Variants in ARHGEF10L observed in about 807,000 individuals in gnomAD.
The protein encoded by ARHGEF10L is Rho guanine nucleotide exchange factor 10 like.
In ARHGEF10L, 69 loss-of-function variants were observed where a neutral mutation model predicts 141.2. The ratio of observed to expected loss-of-function variants is 0.49; its 90% CI spans 0.40 to 0.60. The LOEUF is 0.60. Among genes scored for constraint, ARHGEF10L ranks in the 20% least tolerant of loss-of-function variants. ARHGEF10L has a pLI of 0.00. For synonymous variants in ARHGEF10L, 711 were observed against 718.5 expected (o/e 0.99, Z 0.17); for missense variants, 1,482 against 1,734.3 (o/e 0.85, Z 2.58).
At chr1:17,601,059 A>AC (rs2080618054) in intron 4 of ARHGEF10L, among the ~76,000 whole-genome samples, 1 of 149,030 alleles carries the variant, frequency 6.7e-6, no homozygotes, top group Non-Finnish European at 1.5e-5. Context: ...CAAAAAAAAA[A>AC]AAAAAAAAAC....
At position 17,654,994 on chromosome 1, in the gene ARHGEF10L, CT is replaced by C. The variant is rs2062140932; in HGVS notation, c.2481+273del. ...GCTGAGAAGGAAGTGAAAGGGGGAGCTGTGCAGAGGACCTGGGTCTCAGGAT... is the reference window on the plus strand; with the variant it reads ...GCTGAGAAGGAAGTGAAAGGGGGAGCGTGCAGAGGACCTGGGTCTCAGGAT... On this transcript the variant is annotated intron_variant, in intron 23 of 28. Coordinates refer to ENST00000361221, the MANE Select transcript of ARHGEF10L (RefSeq NM_018125.4). The surrounding 1 kb of genome is among the most constrained non-coding windows in gnomAD (Gnocchi z 4.3). Among the ~76,000 whole-genome samples, 1 of 152,308 alleles carries C rather than the reference CT, an allele frequency of 6.6e-6. No homozygotes were observed. Among genetic ancestry groups the C allele is most frequent in the African/African-American group, 2.4e-5 (1 of 41,566 alleles).
At chr1:17,540,704 T>C (rs751597165) in intron 1 of ARHGEF10L, among the ~76,000 whole-genome samples, 3 of 152,152 alleles carry the variant, frequency 2.0e-5, no homozygotes, top group African/African-American at 4.8e-5. Flanking sequence ...CAGGAGGCCC[T>C]GCGTTGCATC....
At chr1:17,531,257 T>A in the ARHGEF10L span, among the ~76,000 whole-genome samples, 1 of 152,210 alleles carries the variant, frequency 6.6e-6, no homozygotes, top group Admixed American at 6.5e-5. Context: ...GGGAAGGGGC[T>A]CCGGGCCTCT....
intron 18 of ARHGEF10L, 71 bp from the exon 19 acceptor site, chr1:17,637,817 T>C (rs2061098244): frequency 2.9e-6 from 4 of 1,400,028 alleles, no homozygotes; most frequent in East Asian, 5.0e-5. Context: ...GGATCTTTTT[T>C]GTTGTGAGCA....
intron 1 of ARHGEF10L, among the ~76,000 whole-genome samples, chr1:17,551,519 T>TAG (rs2077111228): frequency 6.6e-6 from 1 of 152,114 alleles, no homozygotes; most frequent in Non-Finnish European, 1.5e-5. Flanking sequence ...TCCATTGTAC[T>TAG]AGGGGCTTGT....
chr1:17,676,475 A>T (rs866616644), intron 26 of ARHGEF10L, among the ~76,000 whole-genome samples: 1 of 151,828 alleles, frequency 6.6e-6, no homozygotes, highest in African/African-American at 2.4e-5. Context: ...GGGCCAGGTG[A>T]GTTGTCTGGA....
At chr1:17,690,893 A>T (rs1319719721) in intron 27 of ARHGEF10L, among the ~76,000 whole-genome samples, 1 of 152,208 alleles carries the variant, frequency 6.6e-6, no homozygotes, top group East Asian at 1.9e-4. Context: ...TAAGTTCTTT[A>T]TTAGAGATAT....
intron 17 of ARHGEF10L, 114 bp from the exon 18 acceptor site, chr1:17,634,721 C>T (rs917517195): frequency 4.6e-5 from 67 of 1,455,218 alleles, no homozygotes; most frequent in Non-Finnish European, 5.7e-5. Context: ...TGAGGTCTTG[C>T]GCTGGGGCTG....
chr1:17,687,185 A>G lies in ARHGEF10L; in HGVS notation c.3010-388A>G, dbSNP rs184155316. Among the ~76,000 whole-genome samples the G allele has an allele frequency of 3.3e-5, 5 of 152,240 alleles. No individual in the cohort carries two copies. In the East Asian group the frequency reaches 9.7e-4, roughly 29 times the overall value. On this transcript the variant is annotated intron_variant, in intron 26 of 28. Transcript: ENST00000361221. ...TTTCGGCTCCATCTTTCCCTTCCGT[A>G]AGGTAAAGCTCTGAGGGGCCACTGG...
intron 4 of ARHGEF10L, among the ~76,000 whole-genome samples, chr1:17,594,552 A>C (rs571527202): frequency 6.6e-6 from 1 of 151,918 alleles, no homozygotes; most frequent in South Asian, 2.1e-4. Flanking sequence ...ATCTTGGCTC[A>C]CTCCAACCTC....
intron 21 of ARHGEF10L, among the ~76,000 whole-genome samples, chr1:17,646,299 C>T (rs2061596327): frequency 1.3e-5 from 2 of 152,232 alleles, no homozygotes; most frequent in Non-Finnish European, 2.9e-5. Context: ...CTTCCTCACT[C>T]ATGTCCAGCC....
At chr1:17,549,654 A>G (rs2077041859) in intron 1 of ARHGEF10L, among the ~76,000 whole-genome samples, 3 of 152,148 alleles carry the variant, frequency 2.0e-5, no homozygotes, top group African/African-American at 7.2e-5. Flanking sequence ...CCTGTTTAGG[A>G]GGGTGTGGAA....
intron 21 of ARHGEF10L, among the ~76,000 whole-genome samples, chr1:17,640,907 G>A (rs1279382445): frequency 6.6e-6 from 1 of 152,160 alleles, no homozygotes; most frequent in Non-Finnish European, 1.5e-5. Context: ...TATTTTTTGT[G>A]CATCTTTTTC....
At chr1:17,561,248 C>T (rs1287508836) in intron 1 of ARHGEF10L, among the ~76,000 whole-genome samples, 2 of 152,200 alleles carry the variant, frequency 1.3e-5, no homozygotes, top group Non-Finnish European at 2.9e-5. Flanking sequence ...CGATTGAGGG[C>T]TGCTTCCCCT....
intron 26 of ARHGEF10L, among the ~76,000 whole-genome samples, chr1:17,679,712 C>T (rs115433465): frequency 0.013 from 1,927 of 152,312 alleles, 40 homozygotes; most frequent in African/African-American, 0.036. Context: ...GCAGAGCGGA[C>T]GTGACCCCGG....
At chr1:17,569,156 G>A (rs1252192660) in intron 1 of ARHGEF10L, among the ~76,000 whole-genome samples, 4 of 152,156 alleles carry the variant, frequency 2.6e-5, no homozygotes, top group Admixed American at 1.3e-4. Flanking sequence ...CCTGCCATTC[G>A]TGGGTTGGCT....
chr1:17,572,447 A>G (rs1570541843), intron 1 of ARHGEF10L, among the ~76,000 whole-genome samples: 1 of 152,202 alleles, frequency 6.6e-6, no homozygotes, highest in African/African-American at 2.4e-5. Flanking sequence ...GGGCTGGGCC[A>G]AGTTTATTAC....
In ARHGEF10L at chr1:17,640,216, T is replaced by C; in HGVS notation, c.2186T>C (p.Ile729Thr). 2 of 1,612,054 alleles carry C rather than the reference T, an allele frequency of 1.2e-6. No individual in the cohort carries two copies. Among genetic ancestry groups the C allele is most frequent in the Non-Finnish European group, 1.7e-6 (2 of 1,179,150 alleles). Residue 729 changes from isoleucine (I) to threonine (T), a missense_variant, in exon 21 of 29, where the codon ATT becomes ACT. This residue lies in a region of ARHGEF10L where 858 missense variants were observed against 966.3 expected (regional missense o/e 0.89). Transcript: ENST00000361221. ...TCTCACCACAGGTCCGGCCGCCCCA[T>C]TAGCTTCATGGTGGTTTTCATCACC... Reference protein sequence around the residue: ...PGKPDKSGRPISFMVVFITPN... With the variant: ...PGKPDKSGRPTSFMVVFITPN...
At chr1:17,597,559 A>G (rs977514473) in intron 4 of ARHGEF10L, among the ~76,000 whole-genome samples, 2 of 152,148 alleles carry the variant, frequency 1.3e-5, no homozygotes, top group Non-Finnish European at 2.9e-5. Flanking sequence ...CCTGCCTGGG[A>G]AGCCCTTTCC....
Sources: allele counts gnomAD v4.1 joint callset (sites outside exome capture counted in the v4.1 genomes callset), GRCh38; gene constraint gnomAD v4.1.1; regional missense constraint gnomAD v4.1.1; non-coding constraint Gnocchi (gnomAD v3.1); transcripts MANE v1.5; gene names NCBI Gene and HGNC (gene_info 2026-07-23, HGNC 2026-07-21).